The following PDS5B variants were observed in gnomAD, a reference collection of about 807,000 sequenced individuals.
PDS5B encodes PDS5 cohesin associated factor B.
Under a neutral mutation model 184.1 loss-of-function variants are expected in PDS5B, and 51 were observed. The observed-to-expected ratio is 0.28, with a 90% CI of 0.22 to 0.35. The LOEUF (loss-of-function observed/expected upper bound fraction) is 0.35, where lower values mean the gene tolerates loss of function less well. Ranked by LOEUF, PDS5B falls within the 10% of genes least tolerant of loss-of-function variation. PDS5B has a pLI of 1.00. For synonymous variants in PDS5B, 566 were observed against 569.2 expected, an observed-to-expected ratio of 0.99 and a Z score of 0.08; for missense variants, 1,180 against 1,723.3, an observed-to-expected ratio of 0.68 and a Z score of 5.58.
At chr13:32,624,597 C>T (rs981343002) in intron 1 of PDS5B, among the ~76,000 whole-genome samples, 22 of 152,016 alleles carry the variant, frequency 1.4e-4, no homozygotes, top group African/African-American at 5.1e-4. Context: ...TTCATTGGGG[C>T]GTGAATCACT....
intron 1 of PDS5B, among the ~76,000 whole-genome samples, chr13:32,610,217 A>G (rs2058120690): frequency 6.6e-6 from 1 of 152,246 alleles, no homozygotes; most frequent in Non-Finnish European, 1.5e-5. Context: ...GTAGGTACGT[A>G]TAGGTAATAC....
intron 19 of PDS5B, among the ~76,000 whole-genome samples, chr13:32,710,439 C>A (rs1299452225): frequency 1.3e-5 from 2 of 152,112 alleles, no homozygotes; most frequent in Non-Finnish European, 2.9e-5. Context: ...CCATAATATT[C>A]TTTAGTTTCC....
At chr13:32,619,911 G>A (rs1159090161) in intron 1 of PDS5B, among the ~76,000 whole-genome samples, 1 of 152,076 alleles carries the variant, frequency 6.6e-6, no homozygotes, top group Non-Finnish European at 1.5e-5. Context: ...TGATTCTCCT[G>A]CTTCAGCCTC....
At chr13:32,708,223 G>A (rs989342951) in intron 18 of PDS5B, among the ~76,000 whole-genome samples, 5 of 152,158 alleles carry the variant, frequency 3.3e-5, no homozygotes, top group African/African-American at 2.4e-5. Context: ...TAACACCTCC[G>A]GAGCAGTAAG....
chr13:32,608,501 G>A (rs1045199843), intron 1 of PDS5B, among the ~76,000 whole-genome samples: 1 of 152,170 alleles, frequency 6.6e-6, no homozygotes, highest in African/African-American at 2.4e-5. Context: ...ATTGTAGGAA[G>A]CGTTTGTATG....
At chr13:32,762,826 G>A (rs920657896) in intron 30 of PDS5B, among the ~76,000 whole-genome samples, 7 of 152,000 alleles carry the variant, frequency 4.6e-5, no homozygotes, top group Non-Finnish European at 1.0e-4. Flanking sequence ...TCTCAATTGT[G>A]TATATTGTAT....
At chr13:32,684,107 C>T in intron 11 of PDS5B, 84 bp downstream of exon 11, 28 of 610,510 alleles carry the variant, frequency 4.6e-5, no homozygotes, top group Non-Finnish European at 6.9e-5. Context: ...TTTAAATATA[C>T]ATATTTAAAT....
At chr13:32,599,787 T>A (rs918372694) in intron 1 of PDS5B, among the ~76,000 whole-genome samples, 4 of 151,844 alleles carry the variant, frequency 2.6e-5, no homozygotes, top group African/African-American at 9.7e-5. Context: ...TGGTGGCGGG[T>A]GCCTGTAGTT....
intron 24 of PDS5B, among the ~76,000 whole-genome samples, chr13:32,747,705 G>A (rs969742407): frequency 4.6e-5 from 7 of 151,986 alleles, no homozygotes; most frequent in Non-Finnish European, 7.4e-5. Context: ...CATCTATCAC[G>A]TTTCTTAGAA....
Position 32,667,852 on chromosome 13 carries a change from T to G in PDS5B, c.705+8T>G. 1.3e-6 allele frequency: 2 copies of G among 1,484,684 alleles called. No homozygotes were observed. The highest frequency in any genetic ancestry group is 3.5e-4 in the Middle Eastern group (2 of 5,704). The allele number at this position is 1,484,684 out of a possible 1,614,324, so 92.0% of individuals were successfully genotyped here. On this transcript the variant is annotated splice_region_variant and intron_variant, in intron 7 of 34. Transcript: ENST00000315596. ...GAGCCATATATTACCAATGTAAGTC[T>G]TACTTGTAATTGGTTGTCAGAAGGA...
At chr13:32,613,547 CTG>C (rs2058173373) in intron 1 of PDS5B, among the ~76,000 whole-genome samples, 1 of 151,984 alleles carries the variant, frequency 6.6e-6, no homozygotes, top group African/African-American at 2.4e-5. Flanking sequence ...CTCTGGAAAA[CTG>C]TCTATTCATA....
At chr13:32,756,052 G>A (rs1291552081) in intron 26 of PDS5B, 96 bp downstream of exon 26, 2 of 655,948 alleles carry the variant, frequency 3.0e-6, no homozygotes, top group Non-Finnish European at 5.4e-6. Flanking sequence ...GTTTATTGAT[G>A]TATTTCATTT....
At chr13:32,765,658 C>G (rs2141026006) in intron 31 of PDS5B, among the ~76,000 whole-genome samples, 1 of 152,286 alleles carries the variant, frequency 6.6e-6, no homozygotes, top group South Asian at 2.1e-4. Context: ...GGCTGGAGTG[C>G]AGTGGCACGA....
Position 32,714,663 on chromosome 13 carries a change from A to G in PDS5B, c.2123+4557A>G, listed in dbSNP as rs1294364500. On this transcript the variant is annotated intron_variant, in intron 19 of 34. Coordinates refer to ENST00000315596, the MANE Select transcript of PDS5B (RefSeq NM_015032.4). ...GATATTTCTCCCATTTGCTTTTGAA[A>G]GAAGAGAAATACGGCTCTGTTATGC... Among the ~76,000 whole-genome samples, 5 of 152,316 alleles carry G rather than the reference A, an allele frequency of 3.3e-5. No individual in the cohort carries two copies. In the East Asian group the frequency reaches 9.6e-4, roughly 29 times the overall value.
intron 25 of PDS5B, 102 bp downstream of exon 25, chr13:32,753,638 G>T: frequency 1.4e-6 from 1 of 720,112 alleles, no homozygotes; most frequent in South Asian, 3.0e-5. Context: ...TATTATTTGT[G>T]ATTAACAATT....
intron 1 of PDS5B, among the ~76,000 whole-genome samples, chr13:32,624,442 A>G (rs1216693989): frequency 6.6e-6 from 1 of 152,180 alleles, no homozygotes; most frequent in Non-Finnish European, 1.5e-5. Context: ...TGAAATCAAC[A>G]GTTACTTTTC....
In PDS5B at chr13:32,759,615, C is replaced by T. The variant is rs1375330257; in HGVS notation, c.3310-13C>T. ...TAATATTCACTGACTACTTCTTTTT[C>T]TCTTGGTTGTAGAATTTCAGTAACA... On this transcript the variant is annotated splice_polypyrimidine_tract_variant and intron_variant, in intron 28 of 34. Coordinates refer to ENST00000315596, the MANE Select transcript of PDS5B (RefSeq NM_015032.4). The T allele has an allele frequency of 2.7e-6, 4 of 1,466,560 alleles. No individual in the cohort carries two copies. In the African/African-American group the frequency reaches 4.2e-5, roughly 15 times the overall value. The allele number at this position is 1,466,560 out of a possible 1,614,324, so 90.8% of individuals were successfully genotyped here. A position where few individuals can be genotyped will look rare whatever the true frequency, so the allele number is the denominator to read the frequency against.
At chr13:32,647,736 TTTTA>T (rs1175880331) in intron 1 of PDS5B, among the ~76,000 whole-genome samples, 21 of 152,334 alleles carry the variant, frequency 1.4e-4, no homozygotes, top group Non-Finnish European at 2.6e-4. Flanking sequence ...TGGAATTGTC[TTTTA>T]TTTCTTTAAG....
At chr13:32,735,805 A>T (rs1220946446) in intron 21 of PDS5B, among the ~76,000 whole-genome samples, 1 of 152,168 alleles carries the variant, frequency 6.6e-6, no homozygotes, top group African/African-American at 2.4e-5. Flanking sequence ...ACAGCACTGT[A>T]CTAGGTTCTC....
Sources: gnomAD v4.1 joint callset for allele counts (sites outside exome capture counted in the v4.1 genomes callset) on GRCh38, gnomAD v4.1.1 for gene constraint, MANE v1.5 for transcripts, NCBI Gene and HGNC (gene_info 2026-07-23, HGNC 2026-07-21) for gene names.